Variants in CSNK1A1 observed in about 807,000 individuals in gnomAD.
CSNK1A1 encodes casein kinase I isoform alpha.
A neutral mutation model predicts 46.1 loss-of-function variants in CSNK1A1; 7 were observed. The ratio of observed to expected loss-of-function variants is 0.15; its 90% CI spans 0.09 to 0.29. The LOEUF is 0.29. Ranked by LOEUF, CSNK1A1 falls within the 10% of genes least tolerant of loss-of-function variation. The pLI is 1.00. For synonymous variants in CSNK1A1, 137 were observed against 141.5 expected (o/e 0.97, Z 0.23); for missense variants, 96 against 417.1 (o/e 0.23, Z 6.71).
At chr5:149,541,983 A>AAG (rs1762247620) in intron 2 of CSNK1A1, among the ~76,000 whole-genome samples, 1 of 150,984 alleles carries the variant, frequency 6.6e-6, no homozygotes, top group African/African-American at 2.4e-5. Flanking sequence ...AAAAAAAAAA[A>AAG]AAAAAAAAAA....
intron 2 of CSNK1A1, among the ~76,000 whole-genome samples, chr5:149,548,653 G>C (rs997482064): frequency 6.6e-6 from 1 of 152,172 alleles, no homozygotes; most frequent in Non-Finnish European, 1.5e-5. Context: ...CTGAGGTCAG[G>C]AGTTCGAGCC....
chr5:149,524,997 G>A, intron 3 of CSNK1A1, 48 bp downstream of exon 3: 1 of 1,508,016 alleles, frequency 6.6e-7, no homozygotes, highest in Non-Finnish European at 8.9e-7. Flanking sequence ...TGAAATTCCA[G>A]TCAACAGTAC....
chr5:149,511,387 G>A (rs1298670438), intron 6 of CSNK1A1, among the ~76,000 whole-genome samples: 1 of 128,138 alleles, frequency 7.8e-6, no homozygotes, highest in Non-Finnish European at 1.6e-5. Context: ...AAAAGTAACA[G>A]TAAACTCCTA....
intron 2 of CSNK1A1, chr5:149,545,414 C>G (rs1182326919): frequency 1.9e-6 from 1 of 523,336 alleles, no homozygotes; most frequent in East Asian, 3.5e-5. Flanking sequence ...GGCCTGAGAG[C>G]CTTTGGGAGG....
At chr5:149,534,462 G>A (rs956491802) in intron 2 of CSNK1A1, among the ~76,000 whole-genome samples, 20 of 121,294 alleles carry the variant, frequency 1.6e-4, no homozygotes, top group African/African-American at 4.3e-4. Context: ...CCAGCCTGGC[G>A]ACAGAGCGAG....
At chr5:149,513,988 A>T (rs1761317943) in intron 4 of CSNK1A1, among the ~76,000 whole-genome samples, 2 of 152,136 alleles carry the variant, frequency 1.3e-5, no homozygotes, top group Non-Finnish European at 2.9e-5. Context: ...AATACTTGTT[A>T]TCTACCCTAA....
chr5:149,525,236 A>C lies in CSNK1A1; in HGVS notation c.231-65T>G. 7.1e-7 allele frequency: 1 copy of C among 1,400,742 alleles called. No individual in the cohort carries two copies. The highest frequency in any genetic ancestry group is 9.4e-7 in the Non-Finnish European group (1 of 1,058,656). 86.8% of individuals were successfully genotyped at this position (1,400,742 alleles called of 1,614,324 possible). ...CTATTACTTAATATCATCAACCCTAAGAATAATATAGTTTTCTTTCACTGA... is the reference window on the plus strand; with the variant it reads ...CTATTACTTAATATCATCAACCCTACGAATAATATAGTTTTCTTTCACTGA... On this transcript the variant is annotated intron_variant, in intron 2 of 9. Coordinates refer to ENST00000377843, the MANE Select transcript of CSNK1A1 (RefSeq NM_001892.6). This position sits in a 1 kb window ranked among gnomAD's most constrained non-coding sequence, Gnocchi z 4.2.
chr5:149,501,950 G>A, intron 9 of CSNK1A1: 1 of 928,492 alleles, frequency 1.1e-6, no homozygotes, highest in South Asian at 4.9e-5. Context: ...TAATCTTGTA[G>A]TAATTGAACA....
chr5:149,545,386 C>G lies in CSNK1A1; in HGVS notation c.230+4689G>C, dbSNP rs62377971. 4.5e-3 allele frequency: 2,114 copies of G among 469,316 alleles called. 13 individuals are homozygous for G. The highest frequency in any genetic ancestry group is 6.7e-3 in the Admixed American group (237 of 35,480). 29.1% of individuals were successfully genotyped at this position (469,316 alleles called of 1,614,324 possible). On this transcript the variant is annotated intron_variant, in intron 2 of 9. Transcript: ENST00000377843. ...TCACGTTGGCAGACAGAGATACCTA[C>G]TCCGAAGCCTTTGTAGGGGCCTGAG...
At chr5:149,498,514 G>C (rs1229736716) in intron 9 of CSNK1A1, 21 of 985,054 alleles carry the variant, frequency 2.1e-5, no homozygotes, top group Non-Finnish European at 2.3e-5. Context: ...CAAGCTTCTT[G>C]TTTGGGAGTT....
In CSNK1A1 at chr5:149,495,634, CT is replaced by C. The variant is rs1760630239; in HGVS notation, c.*1218del. 6.6e-6 allele frequency: 1 copy of C among 151,566 alleles called. No individual in the cohort carries two copies. The highest frequency in any genetic ancestry group is 2.4e-5 in the African/African-American group (1 of 41,104). The allele number at this position is 151,566 out of a possible 1,614,324, so 9.4% of individuals were successfully genotyped here. A position where few individuals can be genotyped will look rare whatever the true frequency, so the allele number is the denominator to read the frequency against. ...AAGAAAAATGTTTTGTAGGGAAACC[CT>C]TTAATGCTTTCATTTTTATTCAAAA... On this transcript the variant is annotated 3_prime_UTR_variant, in exon 10 of 10. Transcript: ENST00000377843.
intron 2 of CSNK1A1, among the ~76,000 whole-genome samples, 196 bp downstream of exon 2, chr5:149,549,879 A>G (rs889295255): frequency 2.0e-5 from 3 of 152,212 alleles, no homozygotes; most frequent in African/African-American, 7.2e-5. Context: ...GAGCAGTGTA[A>G]TACAATGAAA....
At chr5:149,510,065 TAACCCAGAATTTAA>T in intron 6 of CSNK1A1, 112 bp from the exon 7 acceptor site, 1 of 686,330 alleles carries the variant, frequency 1.5e-6, no homozygotes, top group East Asian at 3.2e-5. Flanking sequence ...AGAGAAATTT[TAACCCAGAATTTAA>T]AAAATCAAAG....
At chr5:149,508,095 A>G (rs1018285693) in intron 7 of CSNK1A1, among the ~76,000 whole-genome samples, 3 of 152,178 alleles carry the variant, frequency 2.0e-5, no homozygotes, top group Non-Finnish European at 2.9e-5. Flanking sequence ...GGTAAAGTTA[A>G]AGGAGGCAGT....
In CSNK1A1 at chr5:149,550,544, G is replaced by A. The variant is rs1762625870; in HGVS notation, c.123+298C>T. 6.6e-6 allele frequency among the ~76,000 whole-genome samples: 1 copy of A among 150,720 alleles called. No homozygotes were observed. The highest frequency in any genetic ancestry group is 2.4e-5 in the African/African-American group (1 of 40,924). ...AAAAAAAACATGGGAATCACTGAAAGAGGATTTTGCCGTTTCCACCTTAAA... is the reference window on the plus strand; with the variant it reads ...AAAAAAAACATGGGAATCACTGAAAAAGGATTTTGCCGTTTCCACCTTAAA... On this transcript the variant is annotated intron_variant, in intron 1 of 9. Transcript: ENST00000377843. The surrounding 1 kb of genome is among the most constrained non-coding windows in gnomAD (Gnocchi z 4.3).
At chr5:149,544,049 T>C (rs1166832887) in intron 2 of CSNK1A1, among the ~76,000 whole-genome samples, 1 of 152,182 alleles carries the variant, frequency 6.6e-6, no homozygotes, top group Non-Finnish European at 1.5e-5. Flanking sequence ...TAAAAGTCCT[T>C]AGGATCAATG....
chr5:149,526,486 A>T (rs545970196), intron 2 of CSNK1A1, among the ~76,000 whole-genome samples: 67 of 152,298 alleles, frequency 4.4e-4, no homozygotes, highest in African/African-American at 1.6e-3. Flanking sequence ...GAAAACTAAA[A>T]TCTGTGTCAA....
rs567473717 is a variant in CSNK1A1, at chr5:149,495,412, A to T, written c.*1441T>A. 1.3e-5 allele frequency: 2 copies of T among 152,272 alleles called. No homozygotes were observed. Among genetic ancestry groups the T allele is most frequent in the East Asian group, 3.9e-4 (2 of 5,186 alleles). The allele number at this position is 152,272 out of a possible 1,614,324, so 9.4% of individuals were successfully genotyped here. ...TAAATTACACTATTTAAAAATTATCATCAGTAAGTTTTCCTTTCTCATGGG... is the reference window on the plus strand; with the variant it reads ...TAAATTACACTATTTAAAAATTATCTTCAGTAAGTTTTCCTTTCTCATGGG... On this transcript the variant is annotated 3_prime_UTR_variant, in exon 10 of 10. Coordinates refer to ENST00000377843, the MANE Select transcript of CSNK1A1 (RefSeq NM_001892.6).
intron 2 of CSNK1A1, among the ~76,000 whole-genome samples, chr5:149,544,737 TTATATATATATATA>T (rs375444306): frequency 1.2e-5 from 1 of 80,806 alleles, no homozygotes; most frequent in Non-Finnish European, 2.2e-5. Context: ...GTAAAGAGCT[TTATATATATATATA>T]TATATATATA....
Sources: allele counts gnomAD v4.1 joint callset (sites outside exome capture counted in the v4.1 genomes callset), GRCh38; gene constraint gnomAD v4.1.1; non-coding constraint Gnocchi (gnomAD v3.1); transcripts MANE v1.5; gene names NCBI Gene and HGNC (gene_info 2026-07-23, HGNC 2026-07-21).